DSCAM: variants seen among roughly 807,000 people sequenced by gnomAD.
DSCAM encodes the protein DS cell adhesion molecule.
DSCAM carries 47 observed loss-of-function variants against 217.7 expected under a neutral mutation model. That is an observed-to-expected ratio of 0.22 (90% confidence interval 0.17 to 0.28). The LOEUF (loss-of-function observed/expected upper bound fraction) is 0.28, where lower values mean the gene tolerates loss of function less well. DSCAM is among the 10% of genes least tolerant of loss of function. The pLI, the probability that DSCAM is intolerant of heterozygous loss-of-function variation, is 1.00. For synonymous variants in DSCAM, 1,056 were observed against 1,015.3 expected (o/e 1.04, Z -0.76); for missense variants, 2,080 against 2,618.3 (o/e 0.79, Z 4.49).
intron 3 of DSCAM, among the ~76,000 whole-genome samples, chr21:40,431,078 T>C (rs1309611134): frequency 1.3e-5 from 2 of 152,314 alleles, no homozygotes; most frequent in East Asian, 1.9e-4. Flanking sequence ...TCTGCGAAGA[T>C]AAATAGAACA....
At chr21:40,440,906 T>C (rs962036027) in intron 3 of DSCAM, among the ~76,000 whole-genome samples, 10 of 152,312 alleles carry the variant, frequency 6.6e-5, no homozygotes, top group African/African-American at 2.4e-4. Context: ...ACAGTTATCA[T>C]CAATGTTATT....
chr21:40,570,933 T>A (rs895376162), intron 3 of DSCAM, among the ~76,000 whole-genome samples: 1 of 151,742 alleles, frequency 6.6e-6, no homozygotes, highest in Non-Finnish European at 1.5e-5. Context: ...AGAAGAGAGA[T>A]ACAGGAGAAA....
intron 3 of DSCAM, among the ~76,000 whole-genome samples, chr21:40,529,848 A>G (rs988322618): frequency 1.3e-5 from 2 of 152,130 alleles, no homozygotes; most frequent in Non-Finnish European, 2.9e-5. Flanking sequence ...TCTGCAAGAA[A>G]AGCAAAACTA....
intron 3 of DSCAM, among the ~76,000 whole-genome samples, chr21:40,430,809 G>A (rs1006130861): frequency 1.3e-5 from 2 of 152,128 alleles, no homozygotes; most frequent in African/African-American, 4.8e-5. Context: ...AGAGGTTTTG[G>A]GAAAGTCAAA....
chr21:40,757,781 C>T (rs918750825), intron 1 of DSCAM, among the ~76,000 whole-genome samples: 1 of 152,220 alleles, frequency 6.6e-6, no homozygotes, highest in Non-Finnish European at 1.5e-5. Flanking sequence ...CCACTTTGGG[C>T]CACTAAGTTT....
chr21:40,620,357 GAAAAAA>G (rs928780116), intron 3 of DSCAM, among the ~76,000 whole-genome samples: 1 of 107,474 alleles, frequency 9.3e-6, no homozygotes, highest in African/African-American at 3.5e-5. Context: ...GAAAGAGAGA[GAAAAAA>G]GAAAAAGAAA....
chr21:40,415,068 T>C (rs2075358127), intron 3 of DSCAM, among the ~76,000 whole-genome samples: 1 of 152,170 alleles, frequency 6.6e-6, no homozygotes, highest in African/African-American at 2.4e-5. Flanking sequence ...AGAAAAAGCC[T>C]GAGAAAAAAA....
At chr21:40,240,059 A>T (rs913150090) in intron 11 of DSCAM, among the ~76,000 whole-genome samples, 2 of 152,190 alleles carry the variant, frequency 1.3e-5, no homozygotes, top group Non-Finnish European at 2.9e-5. Flanking sequence ...GTTGGAACAC[A>T]AATTGCCAGG....
At chr21:40,322,518 G>A (rs566680351) in intron 8 of DSCAM, among the ~76,000 whole-genome samples, 1 of 118,024 alleles carries the variant, frequency 8.5e-6, no homozygotes, top group African/African-American at 2.8e-5. Flanking sequence ...GAAAGCGGGA[G>A]CAATTTTTTT....
chr21:40,759,983 ATTTATTTATTTATTT>A, intron 1 of DSCAM, among the ~76,000 whole-genome samples: 1 of 142,388 alleles, frequency 7.0e-6, no homozygotes, highest in African/African-American at 2.7e-5. Flanking sequence ...TTATTTATTT[ATTTATTTATTTATTT>A]ATTTATTTAT....
chr21:40,121,429 T>C (rs1039495785), intron 20 of DSCAM, among the ~76,000 whole-genome samples: 4 of 152,174 alleles, frequency 2.6e-5, no homozygotes, highest in East Asian at 1.9e-4. Context: ...TTGAGATAGA[T>C]AGACAGGAAG....
chr21:40,729,936 C>T (rs1601183122), intron 1 of DSCAM, among the ~76,000 whole-genome samples: 2 of 152,076 alleles, frequency 1.3e-5, no homozygotes, highest in Admixed American at 6.5e-5. Flanking sequence ...ATGAATTCGC[C>T]GAGTCACAGA....
intron 1 of DSCAM, among the ~76,000 whole-genome samples, chr21:40,759,971 ATTTATTT>A (rs2091314622): frequency 1.1e-5 from 1 of 88,504 alleles, no homozygotes; most frequent in Non-Finnish European, 2.1e-5. Flanking sequence ...TTATTTATTT[ATTTATTT>A]ATTTATTTAT....
At chr21:40,579,555 G>A (rs972153027) in intron 3 of DSCAM, among the ~76,000 whole-genome samples, 1 of 152,092 alleles carries the variant, frequency 6.6e-6, no homozygotes, top group African/African-American at 2.4e-5. Context: ...ATTCTAGAAA[G>A]ATTACAAGCC....
intron 9 of DSCAM, among the ~76,000 whole-genome samples, chr21:40,311,023 T>C (rs1204012793): frequency 1.3e-5 from 2 of 152,044 alleles, no homozygotes; most frequent in Non-Finnish European, 2.9e-5. Context: ...GGCAGGTAGA[T>C]AAAAAGTGCA....
chr21:40,681,210 AC>A (rs1374576807), intron 3 of DSCAM, among the ~76,000 whole-genome samples: 1 of 152,186 alleles, frequency 6.6e-6, no homozygotes, highest in Non-Finnish European at 1.5e-5. Flanking sequence ...AAACCGTGGC[AC>A]CCGAAAGTGA....
chr21:40,789,471 A>G (rs1164107073), intron 1 of DSCAM, among the ~76,000 whole-genome samples: 1 of 152,144 alleles, frequency 6.6e-6, no homozygotes, highest in Admixed American at 6.5e-5. Context: ...ACAAAATTCT[A>G]TAATCATAGC....
chr21:40,353,608 G>T lies in DSCAM; in HGVS notation c.791C>A (p.Pro264His). 1 of 1,611,662 alleles carries T rather than the reference G, an allele frequency of 6.2e-7. No individual in the cohort carries two copies. The highest frequency in any genetic ancestry group is 8.5e-7 in the Non-Finnish European group (1 of 1,179,440). Reference sequence around the variant, plus strand: ...CTGGAACCTCCCTGAAAGTTCCAGGGGCATGTTGTCCTTCAGCCAGCGGTA... The same window carrying T: ...CTGGAACCTCCCTGAAAGTTCCAGGTGCATGTTGTCCTTCAGCCAGCGGTA... ...PDYRWLKDNM[P>H]LELSGRFQKT... Residue 264 changes from proline to histidine, a missense_variant, in exon 5 of 33, where the codon CCC becomes CAC. Coordinates refer to ENST00000400454, the MANE Select transcript of DSCAM (RefSeq NM_001389.5).
At chr21:40,075,320 G>A in intron 26 of DSCAM, 107 bp from the exon 27 acceptor site, 1 of 1,207,764 alleles carries the variant, frequency 8.3e-7, no homozygotes, top group South Asian at 1.5e-5. Context: ...AAGGGTGTTG[G>A]AGGTGATGAG....
Sources: allele counts gnomAD v4.1 joint callset (sites outside exome capture counted in the v4.1 genomes callset), GRCh38; gene constraint gnomAD v4.1.1; transcripts MANE v1.5; gene names NCBI Gene and HGNC (gene_info 2026-07-23, HGNC 2026-07-21).